FNBP1: variants seen among roughly 807,000 people sequenced by gnomAD.
FNBP1 encodes the protein formin-binding protein 1.
Under a neutral mutation model 90.6 loss-of-function variants are expected in FNBP1, and 26 were observed. The ratio of observed to expected loss-of-function variants is 0.29; its 90% confidence interval spans 0.21 to 0.40. FNBP1 has a LOEUF of 0.40. Ranked by LOEUF, FNBP1 falls within the 10% of genes least tolerant of loss-of-function variation. The pLI is 1.00. For synonymous variants in FNBP1, 260 were observed against 265.2 expected (o/e 0.98, Z 0.19); for missense variants, 635 against 768.0 (o/e 0.83, Z 2.05).
intron 1 of FNBP1, among the ~76,000 whole-genome samples, chr9:130,009,633 C>T (rs2056276743): frequency 6.6e-6 from 1 of 152,134 alleles, no homozygotes. Flanking sequence ...AAACCCCCAA[C>T]TCTACTAAAA....
At chr9:129,944,412 G>A (rs954425968) in intron 6 of FNBP1, among the ~76,000 whole-genome samples, 1 of 151,054 alleles carries the variant, frequency 6.6e-6, no homozygotes, top group African/African-American at 2.4e-5. Context: ...GTCGTGGTGG[G>A]CGCCTGTAGT....
intron 10 of FNBP1, among the ~76,000 whole-genome samples, chr9:129,916,572 G>A (rs942022837): frequency 1.5e-4 from 23 of 150,638 alleles, no homozygotes; most frequent in Admixed American, 8.6e-4. Context: ...AGCTGAGGTC[G>A]CGCATTGCAC....
At chr9:129,964,099 G>A (rs891116287) in intron 4 of FNBP1, among the ~76,000 whole-genome samples, 11 of 152,138 alleles carry the variant, frequency 7.2e-5, no homozygotes, top group Admixed American at 6.6e-4. Context: ...TGCTTTCACC[G>A]GAAAAGCTAT....
intron 2 of FNBP1, among the ~76,000 whole-genome samples, chr9:129,991,224 A>T (rs1349192077): frequency 1.3e-5 from 2 of 151,232 alleles, no homozygotes; most frequent in Non-Finnish European, 2.9e-5. Flanking sequence ...ACCAGGAAGG[A>T]TGCAGCTACC....
At chr9:129,924,094 G>A in intron 9 of FNBP1, 68 bp from the exon 10 acceptor site, 1 of 1,439,726 alleles carries the variant, frequency 6.9e-7, no homozygotes, top group Non-Finnish European at 9.1e-7. Context: ...ACAAAAATAA[G>A]CATCAAATAA....
intron 1 of FNBP1, among the ~76,000 whole-genome samples, chr9:130,041,000 TTTTC>T (rs2059773532): frequency 1.4e-4 from 20 of 140,150 alleles, no homozygotes; most frequent in East Asian, 5.9e-4. Flanking sequence ...TTCTTTTTTC[TTTTC>T]TTTTTTTTTT....
At chr9:130,009,097 G>C (rs1218014348) in intron 1 of FNBP1, among the ~76,000 whole-genome samples, 1 of 152,048 alleles carries the variant, frequency 6.6e-6, no homozygotes. Context: ...TGGTAGAGTG[G>C]GTGCAAAATA....
intron 6 of FNBP1, among the ~76,000 whole-genome samples, chr9:129,952,476 C>T (rs1367146057): frequency 2.6e-5 from 4 of 151,702 alleles, no homozygotes; most frequent in Admixed American, 6.6e-5. Context: ...CTAGCCTGGG[C>T]GACAGAGTGA....
chr9:129,919,378 TAA>T, intron 10 of FNBP1: 1 of 362,892 alleles, frequency 2.8e-6, no homozygotes, highest in South Asian at 2.2e-5. Flanking sequence ...CAATGAACTC[TAA>T]AATATGAAAA....
chr9:129,890,077 G>A lies in FNBP1; in HGVS notation c.*462C>T, dbSNP rs931679809. 4.0e-4 allele frequency: 107 copies of A among 265,602 alleles called. No individual in the cohort carries two copies. The highest frequency in any genetic ancestry group is 5.9e-4 in the Non-Finnish European group (82 of 138,688). 16.5% of individuals were successfully genotyped at this position (265,602 alleles called of 1,614,324 possible). On this transcript the variant is annotated 3_prime_UTR_variant, in exon 17 of 17. Transcript: ENST00000446176. The surrounding 1 kb of genome is among the most constrained non-coding windows in gnomAD (Gnocchi z 5.8). ...AGCAGACAGTCTGGGACACACGGAT[G>A]ACATCGACACGGATGACATCGAGTG... is the stretch of plus-strand genomic sequence containing the variant.
rs112639306 is a variant in FNBP1 at position 129,977,709 on chromosome 9, C to T, written c.345+756G>A. Among the ~76,000 whole-genome samples, 1,305 of 152,094 alleles carry T rather than the reference C, an allele frequency of 8.6e-3. 17 individuals are homozygous for T. Among genetic ancestry groups the T allele is most frequent in the Non-Finnish European group, 0.014 (981 of 67,998 alleles). Reference sequence around the variant, plus strand: ...GTTTCACCATGTTGACCAGCCTGATCGCGAACTCCTTAGCTCAGGTGATCC... The same window carrying T: ...GTTTCACCATGTTGACCAGCCTGATTGCGAACTCCTTAGCTCAGGTGATCC... On this transcript the variant is annotated intron_variant, in intron 4 of 16. Transcript: ENST00000446176.
chr9:130,015,454 C>T (rs1230256088), intron 1 of FNBP1, among the ~76,000 whole-genome samples: 1 of 152,024 alleles, frequency 6.6e-6, no homozygotes, highest in Non-Finnish European at 1.5e-5. Flanking sequence ...GACTCCCTGT[C>T]CAATCAGAAG....
intron 16 of FNBP1, among the ~76,000 whole-genome samples, chr9:129,891,564 C>T (rs114778150): frequency 3.6e-4 from 55 of 152,322 alleles, no homozygotes; most frequent in African/African-American, 1.3e-3. Flanking sequence ...GGCTCTTCAG[C>T]AGTACAATGT....
chr9:130,005,895 C>G (rs1038417581), intron 1 of FNBP1, among the ~76,000 whole-genome samples: 4 of 152,106 alleles, frequency 2.6e-5, no homozygotes, highest in Non-Finnish European at 5.9e-5. Flanking sequence ...GATGCAGATT[C>G]CACAAAATCA....
intron 1 of FNBP1, among the ~76,000 whole-genome samples, chr9:130,004,464 A>G (rs1195160742): frequency 6.6e-6 from 1 of 152,156 alleles, no homozygotes; most frequent in African/African-American, 2.4e-5. Flanking sequence ...TCTCCTCCAC[A>G]CTACTGAGAC....
intron 4 of FNBP1, among the ~76,000 whole-genome samples, chr9:129,978,009 G>C (rs149788012): frequency 2.0e-5 from 3 of 151,596 alleles, no homozygotes; most frequent in African/African-American, 7.3e-5. Context: ...AACAGGGTCT[G>C]TAACTTTTTT....
At position 129,900,028 on chromosome 9, in the gene FNBP1, C is replaced by T; in HGVS notation, c.1624G>A (p.Glu542Lys). 1.2e-6 allele frequency: 2 copies of T among 1,613,608 alleles called. No individual in the cohort carries two copies. Among genetic ancestry groups the T allele is most frequent in the Non-Finnish European group, 1.7e-6 (2 of 1,179,702 alleles). ...GGGAGGGGCTCCTCATCATCAAACT[C>T]GTCGTCAAAATCCGTGGCCAGCACC... ...MKVLATDFDDEFDDEEPLPAI... is the reference protein window; with the variant it reads ...MKVLATDFDDKFDDEEPLPAI... The change falls in exon 15 of 17, where the codon GAG becomes AAG. Residue 542 changes from glutamate to lysine, a missense_variant. Coordinates refer to ENST00000446176, the MANE Select transcript of FNBP1 (RefSeq NM_015033.3). This position sits in a 1 kb window ranked among gnomAD's most constrained non-coding sequence, Gnocchi z 4.1.
At chr9:130,004,617 C>A (rs1021652498) in intron 1 of FNBP1, among the ~76,000 whole-genome samples, 2 of 152,160 alleles carry the variant, frequency 1.3e-5, no homozygotes, top group African/African-American at 4.8e-5. Flanking sequence ...ATGTTACTAG[C>A]ATTAGCTTCC....
intron 8 of FNBP1, among the ~76,000 whole-genome samples, chr9:129,925,655 G>C (rs1424104869): frequency 8.5e-6 from 1 of 117,534 alleles, no homozygotes; most frequent in African/African-American, 3.3e-5. Context: ...GTGCAGTGGC[G>C]TGATCTCAGC....
Sources: gnomAD v4.1 joint callset for allele counts (sites outside exome capture counted in the v4.1 genomes callset) on GRCh38, gnomAD v4.1.1 for gene constraint, Gnocchi (gnomAD v3.1) non-coding constraint, MANE v1.5 for transcripts, NCBI Gene and HGNC (gene_info 2026-07-23, HGNC 2026-07-21) for gene names.